The following VPS8 variants were observed in gnomAD, a reference collection of about 807,000 sequenced individuals.
VPS8 encodes the protein VPS8 subunit of CORVET complex, also known as vacuolar protein sorting-associated protein 8 homolog.
VPS8 carries 129 observed loss-of-function variants against 216.4 expected under a neutral mutation model. The ratio of observed to expected loss-of-function variants is 0.60; its 90% CI spans 0.52 to 0.69. VPS8 has a LOEUF of 0.69. Ranked by LOEUF, VPS8 falls within the 30% of genes least tolerant of loss-of-function variation. The pLI is 0.00. For missense variants in VPS8, 1,531 were observed against 1,683.5 expected, an observed-to-expected ratio of 0.91 and a Z score of 1.59; for synonymous variants, 571 against 565.4, an observed-to-expected ratio of 1.01 and a Z score of -0.14.
At chr3:184,864,343 A>G (rs193129235) in intron 16 of VPS8, among the ~76,000 whole-genome samples, 28 of 152,294 alleles carry the variant, frequency 1.8e-4, no homozygotes, top group African/African-American at 6.5e-4. Flanking sequence ...AGACTCCATG[A>G]TTTGAGAAGA....
chr3:184,910,752 A>G (rs1469525372), intron 25 of VPS8, among the ~76,000 whole-genome samples: 3 of 151,924 alleles, frequency 2.0e-5, no homozygotes, highest in Non-Finnish European at 4.4e-5. Context: ...ATGCCTCCCT[A>G]TGTGTGCAGT....
At chr3:184,924,656 CA>C (rs1412116233) in intron 29 of VPS8, among the ~76,000 whole-genome samples, 1 of 152,052 alleles carries the variant, frequency 6.6e-6, no homozygotes, top group Non-Finnish European at 1.5e-5. Context: ...AGAAATAGGC[CA>C]AAAATCACTA....
At chr3:184,828,327 C>T (rs1175306976) in intron 3 of VPS8, among the ~76,000 whole-genome samples, 3 of 152,122 alleles carry the variant, frequency 2.0e-5, no homozygotes, top group East Asian at 1.9e-4. Flanking sequence ...TTAGTAGAGA[C>T]GGGGTTTCAC....
Position 184,971,699 on chromosome 3 carries a change from A to G in VPS8, c.3367A>G (p.Thr1123Ala). Reference protein sequence around the residue: ...LKDVEDTMVETIALCQRNSHN... With the variant: ...LKDVEDTMVEAIALCQRNSHN... ...GGATGTTGAAGATACTATGGTGGAG[A>G]CCATTGCTCTTTGCCAGAGAAATTC... The change falls in exon 40 of 48, where the codon ACC becomes GCC. Residue 1123 changes from threonine to alanine, a missense_variant. Physicochemically the swap from Thr to Ala is moderately conservative, Grantham distance 58. Around this residue, in one of 3 missense-constraint regions of VPS8, gnomAD observed 1,318 missense variants for 1,468.4 expected, o/e 0.90. Transcript: ENST00000625842. 1 of 1,613,618 alleles carries G rather than the reference A, an allele frequency of 6.2e-7. No individual in the cohort carries two copies. The highest frequency in any genetic ancestry group is 8.5e-7 in the Non-Finnish European group (1 of 1,179,668).
Position 184,917,930 on chromosome 3 carries a change from G to A in VPS8, c.2383-2197G>A, listed in dbSNP as rs546402192. Among the ~76,000 whole-genome samples, 29 of 152,302 alleles carry A rather than the reference G, an allele frequency of 1.9e-4. No individual in the cohort carries two copies. The South Asian group carries it at 5.8e-3, about 31-fold the overall frequency. ...CAAGATCAAGGTGCTGGCAGATTCT[G>A]TTGGTTTAGGCACACGTCCGAGAGG... On this transcript the variant is annotated intron_variant, in intron 28 of 47. Coordinates refer to ENST00000625842, the MANE Select transcript of VPS8 (RefSeq NM_001009921.3).
intron 41 of VPS8, 144 bp downstream of exon 41, chr3:184,982,791 T>G (rs775624720): frequency 1.1e-4 from 82 of 749,528 alleles, no homozygotes; most frequent in Non-Finnish European, 1.6e-4. Flanking sequence ...ATGGTTGATC[T>G]CATCTTTCAT....
At chr3:184,839,532 C>T (rs2108589149) in intron 6 of VPS8, 166 bp from the exon 7 acceptor site, 2 of 610,410 alleles carry the variant, frequency 3.3e-6, no homozygotes, top group East Asian at 5.9e-5. Flanking sequence ...AATAAAATGT[C>T]CTGAGTTTCA....
At chr3:184,892,034 A>G (rs1578108980) in intron 22 of VPS8, among the ~76,000 whole-genome samples, 1 of 152,212 alleles carries the variant, frequency 6.6e-6, no homozygotes, top group African/African-American at 2.4e-5. Context: ...TGAAGTTTGT[A>G]GAAATATCTC....
chr3:184,841,243 G>A, intron 7 of VPS8, among the ~76,000 whole-genome samples: 1 of 152,062 alleles, frequency 6.6e-6, no homozygotes, highest in East Asian at 1.9e-4. Flanking sequence ...ATCCTGCCAT[G>A]TATTAATAAT....
chr3:184,959,477 C>T (rs771112398), intron 37 of VPS8, among the ~76,000 whole-genome samples: 3 of 152,024 alleles, frequency 2.0e-5, no homozygotes, highest in Non-Finnish European at 2.9e-5. Context: ...TTTAATTTTG[C>T]CACAAAAATA....
chr3:184,992,708 CAT>C (rs1752064781), intron 42 of VPS8, among the ~76,000 whole-genome samples: 1 of 152,028 alleles, frequency 6.6e-6, no homozygotes, highest in Non-Finnish European at 1.5e-5. Flanking sequence ...TCATTTATGT[CAT>C]ATATAACTTG....
intron 25 of VPS8, among the ~76,000 whole-genome samples, chr3:184,910,713 G>A (rs1475635748): frequency 6.6e-6 from 1 of 152,002 alleles, no homozygotes; most frequent in African/African-American, 2.4e-5. Context: ...TCTGATCGCC[G>A]CCGTGCCAGG....
chr3:185,028,209 T>A (rs1168537215), intron 46 of VPS8, among the ~76,000 whole-genome samples: 1 of 152,164 alleles, frequency 6.6e-6, no homozygotes, highest in Non-Finnish European at 1.5e-5. Flanking sequence ...AGCACATACT[T>A]ATTATCATGC....
At chr3:184,832,888 A>G (rs1036861609) in intron 4 of VPS8, 69 bp downstream of exon 4, 1 of 1,534,380 alleles carries the variant, frequency 6.5e-7, no homozygotes, top group Non-Finnish European at 8.8e-7. Context: ...TAAATATTGT[A>G]CTTTTTAAAG....
chr3:185,007,665 A>G (rs1266931042), intron 45 of VPS8, among the ~76,000 whole-genome samples: 3 of 152,190 alleles, frequency 2.0e-5, no homozygotes, highest in Non-Finnish European at 4.4e-5. Flanking sequence ...TTAGACACTC[A>G]GGGAGTTTTA....
At chr3:184,826,139 G>C (rs746880147) in intron 2 of VPS8, 24 bp from the exon 3 acceptor site, 3 of 1,558,796 alleles carry the variant, frequency 1.9e-6, no homozygotes, top group Non-Finnish European at 2.6e-6. Flanking sequence ...CATTTTGTGA[G>C]CACTATTTTT....
At chr3:184,894,508 G>GTA (rs756172890) in intron 22 of VPS8, among the ~76,000 whole-genome samples, 195 bp from the exon 23 acceptor site, 2,613 of 133,038 alleles carry the variant, frequency 0.02, 40 homozygotes, top group Middle Eastern at 0.041. Flanking sequence ...ATATACACAC[G>GTA]TATATATATA....
chr3:184,897,460 G>A (rs1345916850), intron 23 of VPS8, among the ~76,000 whole-genome samples: 1 of 152,178 alleles, frequency 6.6e-6, no homozygotes, highest in African/African-American at 2.4e-5. Flanking sequence ...GACAAATCAG[G>A]AGTTCTGGTT....
chr3:185,052,077 G>A lies in VPS8; in HGVS notation c.*52G>A, dbSNP rs1016373658. ...AACCAGAGATGATCCCGAGGCAGCT[G>A]GGGAGAGGCCCCGCCTCTGGTGGGC... On this transcript the variant is annotated 3_prime_UTR_variant, in exon 48 of 48. Transcript: ENST00000625842. The A allele has an allele frequency of 1.9e-5, 29 of 1,551,716 alleles. No individual in the cohort carries two copies. In the African/African-American group the frequency reaches 3.4e-4, roughly 18 times the overall value.
Sources: gnomAD v4.1 joint callset for allele counts (sites outside exome capture counted in the v4.1 genomes callset) on GRCh38, gnomAD v4.1.1 for gene constraint, gnomAD v4.1.1 regional missense constraint, MANE v1.5 for transcripts, NCBI Gene and HGNC (gene_info 2026-07-23, HGNC 2026-07-21) for gene names.